The following HDAC4 variants were observed in gnomAD, a reference collection of about 807,000 sequenced individuals.
HDAC4 encodes the protein histone deacetylase A.
A neutral mutation model predicts 135.1 loss-of-function variants in HDAC4; 16 were observed. The observed-to-expected ratio is 0.12, with a 90% CI of 0.08 to 0.18. HDAC4 has a LOEUF of 0.18. Among genes scored for constraint, HDAC4 ranks in the 10% least tolerant of loss-of-function variants. The pLI, the probability that HDAC4 is intolerant of heterozygous loss-of-function variation, is 1.00. For synonymous variants in HDAC4, 685 were observed against 653.4 expected (o/e 1.05, Z -0.74); for missense variants, 1,143 against 1,511.8 (o/e 0.76, Z 4.05).
rs2152790117 is a variant in HDAC4 at position 239,109,212 on chromosome 2, G to C, written c.1979-1029C>G. ...GACTTAACAAAGGGAAGGCCAGGCTGGGTGAACAGACGCCTTCCGCAGGCA... is the reference window on the plus strand; with the variant it reads ...GACTTAACAAAGGGAAGGCCAGGCTCGGTGAACAGACGCCTTCCGCAGGCA... On this transcript the variant is annotated intron_variant, in intron 14 of 26. Transcript: ENST00000543185. Among the ~76,000 whole-genome samples, 7 of 152,384 alleles carry C rather than the reference G, an allele frequency of 4.6e-5. 2 individuals are homozygous for C. The highest frequency in any genetic ancestry group is 4.6e-4 in the Admixed American group (7 of 15,308).
intron 13 of HDAC4, among the ~76,000 whole-genome samples, chr2:239,113,412 G>T (rs776583947): frequency 2.6e-5 from 4 of 152,216 alleles, no homozygotes; most frequent in African/African-American, 9.6e-5. Context: ...TGGGCCCCAC[G>T]CGGTTAAGTG....
chr2:239,196,572 G>A (rs988738207), intron 3 of HDAC4, among the ~76,000 whole-genome samples: 4 of 152,214 alleles, frequency 2.6e-5, no homozygotes, highest in South Asian at 2.1e-4. Flanking sequence ...CGAGTCTGCC[G>A]TCAGCTTCTG....
rs191286184 is a variant in HDAC4, at chr2:239,285,819, C to T, written c.23-49155G>A. On this transcript the variant is annotated intron_variant, in intron 2 of 26. Transcript: ENST00000543185. The surrounding 1 kb of genome is among the most constrained non-coding windows in gnomAD (Gnocchi z 4.5). ...TGGAGGACTGCATGGGGGTCAGGAC[C>T]GAGGTGAGCCCAGAGCTGCAGCGTT... is the stretch of plus-strand genomic sequence containing the variant. Among the ~76,000 whole-genome samples, 4 of 152,058 alleles carry T rather than the reference C, an allele frequency of 2.6e-5. No individual in the cohort carries two copies. Among genetic ancestry groups the T allele is most frequent in the African/African-American group, 4.8e-5 (2 of 41,382 alleles).
At chr2:239,225,020 T>C (rs1017065633) in intron 3 of HDAC4, among the ~76,000 whole-genome samples, 3 of 152,220 alleles carry the variant, frequency 2.0e-5, no homozygotes, top group African/African-American at 7.2e-5. Flanking sequence ...AGCTGGGTAA[T>C]TTCTAACCAT....
Position 239,139,753 on chromosome 2 carries a change from G to C in HDAC4, c.909C>G (p.Pro303=). 6.2e-7 allele frequency: 1 copy of C among 1,614,120 alleles called. No individual in the cohort carries two copies. Among genetic ancestry groups the C allele is most frequent in the Non-Finnish European group, 8.5e-7 (1 of 1,180,002 alleles). ...SSAPGSGPSS[P]NNSSGSVSAE... ...CGCTGACGCTCCCGGAGCTGTTGTTGGGTGAGCTGGGTCCGGAGCCTGGGG... is the reference window on the plus strand; with the variant it reads ...CGCTGACGCTCCCGGAGCTGTTGTTCGGTGAGCTGGGTCCGGAGCCTGGGG... Residue 303 remains proline, a synonymous_variant, in exon 9 of 27, where the codon CCC becomes CCG. Coordinates refer to ENST00000543185, the MANE Select transcript of HDAC4 (RefSeq NM_001378414.1). The surrounding 1 kb of genome is among the most constrained non-coding windows in gnomAD (Gnocchi z 5.3).
Position 239,337,365 on chromosome 2 carries a change from C to T in HDAC4, c.22+15313G>A, listed in dbSNP as rs115823939. Among the ~76,000 whole-genome samples the T allele has an allele frequency of 4.7e-3, 711 of 152,226 alleles. 2 individuals carry two copies. Among genetic ancestry groups the T allele is most frequent in the Non-Finnish European group, 7.3e-3 (497 of 68,018 alleles). ...CTCACACCCTGCATAAGCCACTAAC[C>T]GGTGGGGACTCCCACGCCACACATC... is the stretch of plus-strand genomic sequence containing the variant. On this transcript the variant is annotated intron_variant, in intron 2 of 26. Coordinates refer to ENST00000543185, the MANE Select transcript of HDAC4 (RefSeq NM_001378414.1).
At chr2:239,169,295 C>T (rs1014408858) in intron 5 of HDAC4, among the ~76,000 whole-genome samples, 4 of 152,218 alleles carry the variant, frequency 2.6e-5, no homozygotes, top group African/African-American at 7.2e-5. Context: ...GAGGGGAGGC[C>T]GGACCCCAGG....
At chr2:239,124,912 CG>C (rs1405978020) in intron 12 of HDAC4, among the ~76,000 whole-genome samples, 2 of 123,326 alleles carry the variant, frequency 1.6e-5, no homozygotes, top group East Asian at 4.8e-4. Flanking sequence ...TGTGACATTC[CG>C]GTGTGCTGGC....
At chr2:239,196,586 CAG>C (rs2045399041) in intron 3 of HDAC4, among the ~76,000 whole-genome samples, 1 of 152,194 alleles carries the variant, frequency 6.6e-6, no homozygotes, top group South Asian at 2.1e-4. Flanking sequence ...GCTTCTGGGA[CAG>C]GGGACCAGAG....
At chr2:239,251,745 C>T (rs893948898) in intron 2 of HDAC4, among the ~76,000 whole-genome samples, 1 of 152,044 alleles carries the variant, frequency 6.6e-6, no homozygotes, top group African/African-American at 2.4e-5. Context: ...TACAAATGTA[C>T]ATTCAAGATA....
At chr2:239,361,059 C>T (rs1466714540) in intron 1 of HDAC4, among the ~76,000 whole-genome samples, 1 of 152,180 alleles carries the variant, frequency 6.6e-6, no homozygotes, top group African/African-American at 2.4e-5. Context: ...ACCCTACTTT[C>T]TTGCCCTTCC....
intron 6 of HDAC4, among the ~76,000 whole-genome samples, chr2:239,160,959 C>A (rs1183071574): frequency 6.6e-6 from 1 of 152,222 alleles, no homozygotes; most frequent in Non-Finnish European, 1.5e-5. Context: ...GCTCCAGCAC[C>A]CGGCCTGTTT....
intron 4 of HDAC4, among the ~76,000 whole-genome samples, chr2:239,180,127 C>T (rs2044051372): frequency 6.6e-6 from 1 of 152,172 alleles, no homozygotes. Context: ...AGCCGACTGG[C>T]AAGCTTCACA....
At chr2:239,356,158 T>A (rs1336540415) in intron 1 of HDAC4, among the ~76,000 whole-genome samples, 2 of 152,186 alleles carry the variant, frequency 1.3e-5, no homozygotes, top group Non-Finnish European at 2.9e-5. Context: ...CACATAGTTT[T>A]AAAAATATAT....
intron 24 of HDAC4, among the ~76,000 whole-genome samples, chr2:239,066,101 C>T (rs972686509): frequency 3.3e-5 from 5 of 151,756 alleles, no homozygotes; most frequent in Non-Finnish European, 5.9e-5. Context: ...GCCCCAGCGT[C>T]ATGCTGGAAT....
chr2:239,194,392 A>G (rs1169430924), intron 3 of HDAC4, among the ~76,000 whole-genome samples: 1 of 152,242 alleles, frequency 6.6e-6, no homozygotes, highest in Non-Finnish European at 1.5e-5. Context: ...GAGACAATCA[A>G]AACAGTCAGA....
rs1231869557 is a variant in HDAC4 at position 239,115,326 on chromosome 2, AAC to A, written c.1534-18_1534-17del. The A allele has an allele frequency of 1.9e-6, 3 of 1,612,878 alleles. No individual in the cohort carries two copies. The Admixed American group carries it at 5.0e-5, about 27-fold the overall frequency. ...TGGGGATGATCTGCAAGGCGGAGGT[AAC>A]ACATGAAGCACAGAGAGCTGGGTCC... On this transcript the variant is annotated splice_polypyrimidine_tract_variant and intron_variant, in intron 12 of 26. Coordinates refer to ENST00000543185, the MANE Select transcript of HDAC4 (RefSeq NM_001378414.1). This position sits in a 1 kb window ranked among gnomAD's most constrained non-coding sequence, Gnocchi z 6.3.
At chr2:239,355,499 A>T (rs544634703) in intron 1 of HDAC4, among the ~76,000 whole-genome samples, 7 of 152,300 alleles carry the variant, frequency 4.6e-5, no homozygotes, top group Admixed American at 4.6e-4. Flanking sequence ...TCATCTCATC[A>T]TCTTCTCACT....
intron 5 of HDAC4, among the ~76,000 whole-genome samples, chr2:239,166,403 T>C (rs1032614117): frequency 6.6e-6 from 1 of 152,180 alleles, no homozygotes; most frequent in African/African-American, 2.4e-5. Context: ...AGTCAAGCTG[T>C]GCCTGTGACG....
Sources: allele counts gnomAD v4.1 joint callset (sites outside exome capture counted in the v4.1 genomes callset), GRCh38; gene constraint gnomAD v4.1.1; non-coding constraint Gnocchi (gnomAD v3.1); transcripts MANE v1.5; gene names NCBI Gene and HGNC (gene_info 2026-07-23, HGNC 2026-07-21).